Variants in FBXL18 observed in about 807,000 individuals in gnomAD.
FBXL18 encodes F-box and leucine rich repeat protein 18, also known as F-box/LRR-repeat protein 18.
FBXL18 carries 36 observed loss-of-function variants against 46.0 expected under a neutral mutation model. That is an observed-to-expected ratio of 0.78 (90% CI 0.60 to 1.03). FBXL18 has a LOEUF of 1.03. FBXL18 is among the 50% of genes least tolerant of loss of function. The pLI, the probability that FBXL18 is intolerant of heterozygous loss-of-function variation, is 0.00. For synonymous variants in FBXL18, 557 were observed against 465.3 expected (o/e 1.20, Z -2.54); for missense variants, 977 against 1,004.1 (o/e 0.97, Z 0.36).
intron 4 of FBXL18, among the ~76,000 whole-genome samples, chr7:5,463,724 ATTTATTTTTTTTTTTTTTTTTTTTT>A: frequency 1.7e-5 from 1 of 59,672 alleles, no homozygotes; most frequent in East Asian, 4.6e-4. Context: ...TTATTTATTT[ATTTATTTTTTTTTTTTTTTTTTTTT>A]TTTTTTTTTG....
chr7:5,470,541 A>T (rs1384982596), intron 4 of FBXL18, among the ~76,000 whole-genome samples: 1 of 152,194 alleles, frequency 6.6e-6, no homozygotes, highest in Non-Finnish European at 1.5e-5. Flanking sequence ...GGGCCTGGCC[A>T]GCAAGTCACC....
At chr7:5,484,149 T>C (rs889211161) in intron 4 of FBXL18, among the ~76,000 whole-genome samples, 1 of 152,150 alleles carries the variant, frequency 6.6e-6, no homozygotes, top group Admixed American at 6.5e-5. Flanking sequence ...CCACCCCCTC[T>C]GGCTCCAGCT....
chr7:5,473,260 T>C (rs1012686552), downstream of FBXL18, among the ~76,000 whole-genome samples: 24 of 152,116 alleles, frequency 1.6e-4, no homozygotes, highest in African/African-American at 5.8e-4. Context: ...GAGGCATTGC[T>C]GAGTCCCTGG....
chr7:5,464,743 C>A (rs2128231339), intron 4 of FBXL18, among the ~76,000 whole-genome samples: 1 of 114,288 alleles, frequency 8.7e-6, no homozygotes, highest in South Asian at 3.3e-4. Context: ...AACATATATT[C>A]ACATTTGTTT....
Position 5,501,536 on chromosome 7 carries a change from C to A in FBXL18, c.733G>T (p.Glu245Ter). The A allele has an allele frequency of 3.1e-6, 5 of 1,613,944 alleles. No homozygotes were observed. Among genetic ancestry groups the A allele is most frequent in the South Asian group, 1.1e-5 (1 of 91,084 alleles). ...ACAGCCAGGTAGAGCCGCACCACCTCCTGGTTGATGTAGCCGGGGGCCAGG... is the reference window on the plus strand; with the variant it reads ...ACAGCCAGGTAGAGCCGCACCACCTACTGGTTGATGTAGCCGGGGGCCAGG... The part of the protein sequence containing the change: ...ARLAPGYINQ[E>*]VVRLYLAVLS... Residue 245 changes from glutamate (E) to a stop codon, truncating the protein, a stop_gained, in exon 3 of 5, where the codon GAG becomes TAG. Coordinates refer to ENST00000382368, the MANE Select transcript of FBXL18 (RefSeq NM_024963.6). LOFTEE classifies it high-confidence loss of function.
chr7:5,512,978 C>G (rs966603693), intron 1 of FBXL18, among the ~76,000 whole-genome samples: 14 of 152,158 alleles, frequency 9.2e-5, no homozygotes, highest in African/African-American at 3.4e-4. Context: ...TGAAAGGTGA[C>G]AGATACCAAC....
In FBXL18 at chr7:5,476,473, G is replaced by C. The variant is rs889858838; in HGVS notation, c.*5302C>G. 4 of 152,156 alleles carry C rather than the reference G, an allele frequency of 2.6e-5. No homozygotes were observed. Among genetic ancestry groups the C allele is most frequent in the Admixed American group, 2.6e-4 (4 of 15,262 alleles). 9.4% of individuals were successfully genotyped at this position (152,156 alleles called of 1,614,324 possible). A position where few individuals can be genotyped will look rare whatever the true frequency, so the allele number is the denominator to read the frequency against. ...CCCTTCAGCGTTTCTGCTTTTTGTT[G>C]TTTGTTTTCTGAGACAGGGTATTGC... On this transcript the variant is annotated 3_prime_UTR_variant, in exon 5 of 5. Transcript: ENST00000382368.
chr7:5,463,728 A>ATTTATTT (rs1562672288), intron 4 of FBXL18, among the ~76,000 whole-genome samples: 7 of 53,010 alleles, frequency 1.3e-4, no homozygotes, highest in South Asian at 1.5e-3. Context: ...TTATTTATTT[A>ATTTATTT]TTTTTTTTTT....
Position 5,501,597 on chromosome 7 carries a change from C to A in FBXL18, c.672G>T (p.Val224=), listed in dbSNP as rs188036344. 1.9e-6 allele frequency: 3 copies of A among 1,613,886 alleles called. No homozygotes were observed. The East Asian group carries it at 6.7e-5, about 36-fold the overall frequency. The change falls in exon 3 of 5, where the codon GTG becomes GTT. Residue 224 remains valine (V), a synonymous_variant. Transcript: ENST00000382368. ...AGACCCGCAGGTTCTGGTAGTGCGG[C>A]ACGTTGCTCTGGCCCACCATAAGCT... ...SGQLMVGQSN[V]PHYQNLRVFY...
intron 4 of FBXL18, among the ~76,000 whole-genome samples, chr7:5,483,689 A>T (rs1783703815): frequency 6.6e-6 from 1 of 151,956 alleles, no homozygotes; most frequent in Non-Finnish European, 1.5e-5. Flanking sequence ...GGTTGCAGTG[A>T]GCCGAGATTG....
intron 4 of FBXL18, among the ~76,000 whole-genome samples, chr7:5,484,543 T>C (rs369514048): frequency 1.7e-4 from 26 of 151,560 alleles, no homozygotes; most frequent in African/African-American, 5.1e-4. Flanking sequence ...GACAGGGTCT[T>C]GCTCTATCTC....
intron 2 of FBXL18, among the ~76,000 whole-genome samples, chr7:5,504,569 G>C (rs1473058826): frequency 1.4e-5 from 2 of 145,366 alleles, no homozygotes; most frequent in African/African-American, 2.5e-5. Context: ...GCCTCCCAAA[G>C]TGCTGGGATT....
chr7:5,454,865 G>A (rs1279496805), intron 4 of FBXL18, among the ~76,000 whole-genome samples: 2 of 152,186 alleles, frequency 1.3e-5, no homozygotes, highest in African/African-American at 4.8e-5. Flanking sequence ...ATGGCCACCC[G>A]AGCTGCCAGT....
At chr7:5,462,655 A>G (rs1783264393) in intron 4 of FBXL18, among the ~76,000 whole-genome samples, 1 of 151,912 alleles carries the variant, frequency 6.6e-6, no homozygotes, top group African/African-American at 2.4e-5. Context: ...CTTAATAACA[A>G]TATGAAAATA....
rs555745762 is a variant in FBXL18 at position 5,480,114 on chromosome 7, G to A, written c.*1661C>T. The stretch of plus-strand genomic sequence containing the variant: ...ACCATCCCCACTCAGGGGCAGGGCC[G>A]GTGATTGGAGGCCTGGGGATGGTGT... On this transcript the variant is annotated 3_prime_UTR_variant, in exon 5 of 5. Transcript: ENST00000382368. Among the ~76,000 whole-genome samples the A allele has an allele frequency of 4.6e-5, 7 of 152,322 alleles. No homozygotes were observed. Among genetic ancestry groups the A allele is most frequent in the South Asian group, 2.1e-4 (1 of 4,826 alleles).
At position 5,501,918 on chromosome 7, in the gene FBXL18, G is replaced by T; in HGVS notation, c.351C>A (p.Arg117=). The T allele has an allele frequency of 6.2e-7, 1 of 1,602,822 alleles. No individual in the cohort carries two copies. Among genetic ancestry groups the T allele is most frequent in the Non-Finnish European group, 8.5e-7 (1 of 1,176,058 alleles). The change falls in exon 3 of 5, where the codon CGC becomes CGA. Residue 117 remains arginine, a synonymous_variant. Transcript: ENST00000382368. ...LPGSTVEHVA[R]CRSLVKVNLS... ...GGTTCACCTTCACCAGGCTGCGGCA[G>T]CGGGCCACGTGTTCCACGGTGGAGC...
intron 3 of FBXL18, among the ~76,000 whole-genome samples, chr7:5,494,870 TG>T (rs1181494624): frequency 6.6e-6 from 1 of 152,136 alleles, no homozygotes; most frequent in East Asian, 1.9e-4. Context: ...CTGCAGAGCG[TG>T]GAAAAAAAAC....
At chr7:5,511,927 T>A (rs1784544752) in intron 1 of FBXL18, among the ~76,000 whole-genome samples, 1 of 151,356 alleles carries the variant, frequency 6.6e-6, no homozygotes, top group Non-Finnish European at 1.5e-5. Flanking sequence ...AAAAAAATTT[T>A]AAAAAGAGAA....
intron 3 of FBXL18, among the ~76,000 whole-genome samples, chr7:5,494,882 C>CT (rs1784034728): frequency 6.7e-6 from 1 of 149,484 alleles, no homozygotes; most frequent in African/African-American, 2.6e-5. Context: ...GAAAAAAAAC[C>CT]TTTTTTCCAC....
Sources: gnomAD v4.1 joint callset for allele counts (sites outside exome capture counted in the v4.1 genomes callset) on GRCh38, gnomAD v4.1.1 for gene constraint, MANE v1.5 for transcripts, NCBI Gene and HGNC (gene_info 2026-07-23, HGNC 2026-07-21) for gene names.